PRKCH: variants seen among roughly 807,000 people sequenced by gnomAD.
The protein encoded by PRKCH is protein kinase C eta type.
PRKCH carries 28 observed loss-of-function variants against 82.5 expected under a neutral mutation model. That is an observed-to-expected ratio of 0.34 (90% CI 0.25 to 0.47). The LOEUF is 0.47. PRKCH is among the 20% of genes least tolerant of loss of function. The probability of loss-of-function intolerance (pLI) is 1.00; values close to 1 mark genes in which losing one functional copy is unlikely to be tolerated. For missense variants in PRKCH, 705 were observed against 881.8 expected (o/e 0.80, Z 2.54); for synonymous variants, 322 against 327.4 (o/e 0.98, Z 0.18).
intron 1 of PRKCH, among the ~76,000 whole-genome samples, chr14:61,248,748 TTATG>T (rs57245411): frequency 0.01 from 1,478 of 141,990 alleles, 20 homozygotes; most frequent in African/African-American, 0.032. Flanking sequence ...TTCAATGGTT[TTATG>T]TATGTATGTA....
chr14:61,189,350 C>G (rs1472318712), intron 1 of PRKCH, among the ~76,000 whole-genome samples: 1 of 151,718 alleles, frequency 6.6e-6, no homozygotes, highest in Non-Finnish European at 1.5e-5. Context: ...GCAAAATTCT[C>G]AAGTTTAGGG....
intron 1 of PRKCH, among the ~76,000 whole-genome samples, chr14:61,343,351 CAAAAAAAAAAA>C (rs57154047): frequency 3.4e-5 from 3 of 87,350 alleles, no homozygotes; most frequent in Non-Finnish European, 6.5e-5. Flanking sequence ...CCAGTTCCCT[CAAAAAAAAAAA>C]AAAAAAAAAA....
At chr14:61,374,201 C>T (rs4902050) in intron 1 of PRKCH, among the ~76,000 whole-genome samples, 10 of 152,108 alleles carry the variant, frequency 6.6e-5, no homozygotes, top group Non-Finnish European at 1.2e-4. Context: ...CAGGGCACAC[C>T]GATGCAAGGG....
intron 1 of PRKCH, among the ~76,000 whole-genome samples, chr14:61,261,704 C>A (rs2045046123): frequency 6.6e-6 from 1 of 151,778 alleles, no homozygotes; most frequent in South Asian, 2.1e-4. Context: ...GCCTAGGAAT[C>A]CTTTTAGAGT....
intron 1 of PRKCH, among the ~76,000 whole-genome samples, chr14:61,315,579 A>G (rs1409048471): frequency 1.3e-5 from 2 of 152,052 alleles, no homozygotes; most frequent in East Asian, 3.9e-4. Flanking sequence ...GCCTTATGTT[A>G]ATTATTTTAT....
chr14:61,519,274 TATGAATGAATGAATGAATGAATGA>T (rs34647037), intron 10 of PRKCH, among the ~76,000 whole-genome samples: 31 of 147,160 alleles, frequency 2.1e-4, no homozygotes, highest in Non-Finnish European at 1.0e-4. Context: ...AGAATGAGAT[TATGAATGAATGAATGAATGAATGA>T]ATGAATGAAT....
chr14:61,294,277 C>T (rs988702744), intron 1 of PRKCH, among the ~76,000 whole-genome samples: 14 of 152,016 alleles, frequency 9.2e-5, no homozygotes, highest in Admixed American at 2.0e-4. Context: ...CCTGCCACCA[C>T]GCCCAGCTAA....
chr14:61,541,910 G>T (rs2043191407), intron 12 of PRKCH, among the ~76,000 whole-genome samples: 1 of 152,192 alleles, frequency 6.6e-6, no homozygotes, highest in Admixed American at 6.5e-5. Context: ...CACCAGATTT[G>T]CAAAGAAGCT....
intron 12 of PRKCH, among the ~76,000 whole-genome samples, chr14:61,542,334 C>T (rs986681003): frequency 2.7e-5 from 4 of 149,676 alleles, no homozygotes; most frequent in Non-Finnish European, 4.4e-5. Flanking sequence ...TTTGTATTCT[C>T]GTTTTAAGAT....
At chr14:61,508,270 G>A (rs1428215289) in intron 10 of PRKCH, among the ~76,000 whole-genome samples, 9 of 152,098 alleles carry the variant, frequency 5.9e-5, no homozygotes, top group African/African-American at 2.2e-4. Flanking sequence ...ACTAGCAGCT[G>A]GCAAGTGTTT....
chr14:61,227,981 C>A (rs1239601766), intron 1 of PRKCH, among the ~76,000 whole-genome samples: 1 of 152,176 alleles, frequency 6.6e-6, no homozygotes, highest in Non-Finnish European at 1.5e-5. Flanking sequence ...TCCCTAAATA[C>A]CTTCCAGGTT....
chr14:61,424,513 T>G (rs190774309), intron 2 of PRKCH, among the ~76,000 whole-genome samples: 222 of 152,328 alleles, frequency 1.5e-3, no homozygotes, highest in Middle Eastern at 6.8e-3. Flanking sequence ...GCAAAGAGAC[T>G]GACAGCATTT....
chr14:61,263,302 T>A (rs1326673726), intron 1 of PRKCH, among the ~76,000 whole-genome samples: 1 of 152,234 alleles, frequency 6.6e-6, no homozygotes. Context: ...CAATGTTATT[T>A]AGCTTTACCT....
chr14:61,273,881 G>A (rs2045179677), intron 1 of PRKCH, among the ~76,000 whole-genome samples: 1 of 152,178 alleles, frequency 6.6e-6, no homozygotes, highest in Non-Finnish European at 1.5e-5. Flanking sequence ...TGGAGTCATT[G>A]GTTTCCTAGT....
upstream of PRKCH, among the ~76,000 whole-genome samples, chr14:61,320,620 CAACAAA>C (rs1305951946): frequency 6.6e-6 from 1 of 151,832 alleles, no homozygotes; most frequent in Admixed American, 6.6e-5. Context: ...ACAACAACAA[CAACAAA>C]AAGTGGCCTA....
rs1884371073 is a variant in PRKCH at position 61,449,243 on chromosome 14, G to A, written c.693G>A (p.Val231=). The A allele has an allele frequency of 1.2e-6, 2 of 1,612,448 alleles. No individual in the cohort carries two copies. The highest frequency in any genetic ancestry group is 2.2e-5 in the East Asian group (1 of 44,854). ...CTTGCCAAAACAATATTAACAAAGT[G>A]GATTCAAAGGTAAGAGGATAGCAGT... ...ACTCQNNINK[V]DSKIAEQRFG... The change falls in exon 5 of 14, where the codon GTG becomes GTA. Residue 231 remains valine, a synonymous_variant. Transcript: ENST00000332981.
intron 10 of PRKCH, among the ~76,000 whole-genome samples, chr14:61,517,622 T>A (rs755450114): frequency 5.3e-5 from 8 of 152,228 alleles, no homozygotes; most frequent in Non-Finnish European, 8.8e-5. Context: ...CCTAGCACTG[T>A]GTGCCCTAGA....
At chr14:61,255,953 G>T (rs2044994239) in intron 1 of PRKCH, among the ~76,000 whole-genome samples, 1 of 152,048 alleles carries the variant, frequency 6.6e-6, no homozygotes, top group Non-Finnish European at 1.5e-5. Flanking sequence ...TTCTAATTGT[G>T]GGTTGTTCAC....
At chr14:61,462,136 G>A (rs75827125) in intron 9 of PRKCH, among the ~76,000 whole-genome samples, 7,141 of 152,220 alleles carry the variant, frequency 0.047, 572 homozygotes, top group African/African-American at 0.16. Flanking sequence ...GAGGCTGGGC[G>A]CAGGCAGCAC....
Sources: allele counts gnomAD v4.1 joint callset (sites outside exome capture counted in the v4.1 genomes callset), GRCh38; gene constraint gnomAD v4.1.1; transcripts MANE v1.5; gene names NCBI Gene and HGNC (gene_info 2026-07-23, HGNC 2026-07-21).